The following JPH2 variants were observed in gnomAD, a reference collection of about 807,000 sequenced individuals.
JPH2 encodes the protein junctophilin 2, also known as junctophilin-2.
In JPH2, 38 loss-of-function variants were observed where a neutral mutation model predicts 55.9. The observed-to-expected ratio is 0.68, with a 90% CI of 0.52 to 0.89. The LOEUF is 0.89. Ranked by LOEUF, JPH2 falls within the 40% of genes least tolerant of loss-of-function variation. The pLI, the probability that JPH2 is intolerant of heterozygous loss-of-function variation, is 0.00. For missense variants in JPH2, 964 were observed against 1,037.6 expected, an observed-to-expected ratio of 0.93 and a Z score of 0.97; for synonymous variants, 480 against 472.4, an observed-to-expected ratio of 1.02 and a Z score of -0.21.
chr20:44,137,332 G>A (rs574537470), intron 2 of JPH2, among the ~76,000 whole-genome samples: 32 of 151,482 alleles, frequency 2.1e-4, no homozygotes, highest in African/African-American at 7.3e-4. Flanking sequence ...AGGACAAGGC[G>A]CCCAGGAGAG....
In JPH2 at chr20:44,122,714, T is replaced by C. The variant is rs909376364; in HGVS notation, c.1170-4091A>G. On this transcript the variant is annotated intron_variant, in intron 2 of 5. Transcript: ENST00000372980. ...AGGCAACGCGTGAAAGTGTTTGGTC[T>C]TGATGATGACGATGATGGGGTGTTG... 6.6e-5 allele frequency among the ~76,000 whole-genome samples: 10 copies of C among 152,270 alleles called. No homozygotes were observed. In the East Asian group the frequency reaches 1.9e-3, roughly 29 times the overall value.
intron 2 of JPH2, among the ~76,000 whole-genome samples, chr20:44,131,486 G>A (rs1166486979): frequency 6.6e-6 from 1 of 152,044 alleles, no homozygotes; most frequent in Non-Finnish European, 1.5e-5. Context: ...CTCTATGTGG[G>A]GACAATTTGT....
chr20:44,109,408 AAAGT>A lies in JPH2; in HGVS notation c.*4106_*4109del, dbSNP rs1321010313. ...TAACATGGTATTCATCACCCCCAGA[AAAGT>A]AAGAAAGTTCTAGATGTTAAGGGAC... On this transcript the variant is annotated 3_prime_UTR_variant, in exon 6 of 6. Coordinates refer to ENST00000372980, the MANE Select transcript of JPH2 (RefSeq NM_020433.5). 6.6e-6 allele frequency among the ~76,000 whole-genome samples: 1 copy of A among 152,206 alleles called. No homozygotes were observed. The highest frequency in any genetic ancestry group is 2.4e-5 in the African/African-American group (1 of 41,450).
rs143634150 is a variant in JPH2 at position 44,127,639 on chromosome 20, C to A, written c.1170-9016G>T. Among the ~76,000 whole-genome samples, 55 of 151,334 alleles carry A rather than the reference C, an allele frequency of 3.6e-4. 1 individual carries two copies. Among genetic ancestry groups the A allele is most frequent in the African/African-American group, 1.3e-3 (53 of 41,426 alleles). On this transcript the variant is annotated intron_variant, in intron 2 of 5. Coordinates refer to ENST00000372980, the MANE Select transcript of JPH2 (RefSeq NM_020433.5). Reference sequence around the variant, plus strand: ...TACCTGGGATTACAGGCACCCGACACCATGCCTGGCTGATTTTTTTTTGTA... The same window carrying A: ...TACCTGGGATTACAGGCACCCGACAACATGCCTGGCTGATTTTTTTTTGTA...
In JPH2 at chr20:44,186,475, C is replaced by G; in HGVS notation, c.231G>C (p.Lys77Asn). 6.2e-7 allele frequency: 1 copy of G among 1,614,172 alleles called. No individual in the cohort carries two copies. The highest frequency in any genetic ancestry group is 2.2e-5 in the East Asian group (1 of 44,880). The stretch of plus-strand genomic sequence containing the variant: ...ACTCGCCCTTGTAGAGCCAGCGCCC[C>G]TTGGTCTCTATGCCCAGCCCATGCC... ...GKRHGLGIET[K>N]GRWLYKGEWT... is the part of the protein sequence containing the mutation. The change falls in exon 1 of 6, where the codon AAG (lysine) becomes AAC (asparagine). Residue 77 changes from lysine to asparagine, a missense_variant. Transcript: ENST00000372980.
At chr20:44,119,491 C>G (rs1040019796) in intron 2 of JPH2, among the ~76,000 whole-genome samples, 84 of 152,284 alleles carry the variant, frequency 5.5e-4, no homozygotes, top group African/African-American at 2.0e-3. Context: ...GTGCCTACCC[C>G]CGGCTGATGT....
intron 2 of JPH2, among the ~76,000 whole-genome samples, chr20:44,145,321 T>C (rs2072485944): frequency 6.6e-6 from 1 of 152,110 alleles, no homozygotes; most frequent in African/African-American, 2.4e-5. Context: ...AAAGTAAAGC[T>C]GGACCAGGCG....
chr20:44,114,222 C>A (rs1042721575), intron 5 of JPH2, among the ~76,000 whole-genome samples: 1 of 152,106 alleles, frequency 6.6e-6, no homozygotes, highest in African/African-American at 2.4e-5. Context: ...GAGAGGGAAC[C>A]AATGGGCAGA....
rs1427457494 is a variant in JPH2 at position 44,107,829 on chromosome 20, G to C, written c.*5689C>G. ...GTTAGCAACTGGGCCTTGAGGGAGA[G>C]GTCTGATTTTTGTCCTGGCTCCTAG... On this transcript the variant is annotated 3_prime_UTR_variant, in exon 6 of 6. Transcript: ENST00000372980. Among the ~76,000 whole-genome samples, 1 of 152,142 alleles carries C rather than the reference G, an allele frequency of 6.6e-6. No homozygotes were observed. The highest frequency in any genetic ancestry group is 2.4e-5 in the African/African-American group (1 of 41,432).
chr20:44,184,803 G>A (rs978333919), intron 1 of JPH2, among the ~76,000 whole-genome samples: 4 of 152,108 alleles, frequency 2.6e-5, no homozygotes, highest in African/African-American at 4.8e-5. Context: ...CTGTCCTGTC[G>A]AGACCAAGCT....
intron 1 of JPH2, among the ~76,000 whole-genome samples, chr20:44,167,375 A>G (rs2072664113): frequency 6.6e-6 from 1 of 152,126 alleles, no homozygotes; most frequent in Admixed American, 6.5e-5. Flanking sequence ...CATCCGATGA[A>G]TTTTCAAGTC....
chr20:44,177,933 A>G lies in JPH2; in HGVS notation c.379+8394T>C, dbSNP rs990635770. 14 of 1,415,434 alleles carry G rather than the reference A, an allele frequency of 9.9e-6. No individual in the cohort carries two copies. The Admixed American group carries it at 1.8e-4, about 19-fold the overall frequency. The allele number at this position is 1,415,434 out of a possible 1,614,324, so 87.7% of individuals were successfully genotyped here. ...GCTCAGTGCTTCATTGTCTTGTTTC[A>G]TTGTCTCGACCATATTCTGAGGGCG... On this transcript the variant is annotated intron_variant, in intron 1 of 5. Transcript: ENST00000372980.
rs2072649285 is a variant in JPH2 at position 44,165,407 on chromosome 20, C to T, written c.380-5000G>A. 3.9e-5 allele frequency among the ~76,000 whole-genome samples: 6 copies of T among 152,292 alleles called. No individual in the cohort carries two copies. In the South Asian group the frequency reaches 1.2e-3, roughly 32 times the overall value. On this transcript the variant is annotated intron_variant, in intron 1 of 5. Transcript: ENST00000372980. ...ATCCAGCCGCTTCTCACCACCTCCA[C>T]TTCGACTAGAGAGTGGTCTGTGCCA...
chr20:44,121,413 C>T (rs1434701603), intron 2 of JPH2, among the ~76,000 whole-genome samples: 2 of 152,086 alleles, frequency 1.3e-5, no homozygotes, highest in Non-Finnish European at 2.9e-5. Flanking sequence ...GGATAAATTC[C>T]CTTAAGCTTC....
chr20:44,142,250 C>T (rs2072462538), intron 2 of JPH2, among the ~76,000 whole-genome samples: 1 of 152,192 alleles, frequency 6.6e-6, no homozygotes, highest in Admixed American at 6.5e-5. Flanking sequence ...TCTGTGCTGT[C>T]CCAGCTATCG....
At chr20:44,185,669 A>AGATGGATG (rs34539425) in intron 1 of JPH2, among the ~76,000 whole-genome samples, 13,906 of 147,960 alleles carry the variant, frequency 0.094, 712 homozygotes, top group East Asian at 0.16. Context: ...GATGGATCAT[A>AGATGGATG]GATGGATGGA....
At chr20:44,146,865 G>T (rs1463562322) in intron 2 of JPH2, among the ~76,000 whole-genome samples, 2 of 152,144 alleles carry the variant, frequency 1.3e-5, no homozygotes, top group Non-Finnish European at 2.9e-5. Flanking sequence ...CACTGTTGTG[G>T]GGGTTATAAA....
chr20:44,181,370 T>A (rs577407525), intron 1 of JPH2, among the ~76,000 whole-genome samples: 1 of 152,340 alleles, frequency 6.6e-6, no homozygotes, highest in African/African-American at 2.4e-5. Context: ...TGCATATATA[T>A]GTGTATCTCG....
intron 3 of JPH2, 88 bp from the exon 4 acceptor site, chr20:44,116,474 T>C (rs1480922733): frequency 9.5e-6 from 14 of 1,468,976 alleles, no homozygotes; most frequent in Non-Finnish European, 1.3e-5. Context: ...TCGAGCCTCA[T>C]TCATGGGCTC....
Sources: gnomAD v4.1 joint callset for allele counts (sites outside exome capture counted in the v4.1 genomes callset) on GRCh38, gnomAD v4.1.1 for gene constraint, MANE v1.5 for transcripts, NCBI Gene and HGNC (gene_info 2026-07-23, HGNC 2026-07-21) for gene names.